SAP130: variants seen among roughly 807,000 people sequenced by gnomAD.
The protein encoded by SAP130 is Sin3A associated protein 130.
Under a neutral mutation model 103.2 loss-of-function variants are expected in SAP130, and 16 were observed. That is an observed-to-expected ratio of 0.16 (90% CI 0.10 to 0.24). The LOEUF is 0.24. SAP130 is among the 10% of genes least tolerant of loss of function. SAP130 has a pLI of 1.00. For synonymous variants in SAP130, 477 were observed against 497.0 expected, an observed-to-expected ratio of 0.96 and a Z score of 0.53; for missense variants, 990 against 1,359.7, an observed-to-expected ratio of 0.73 and a Z score of 4.28.
intron 14 of SAP130, among the ~76,000 whole-genome samples, chr2:127,982,398 T>C (rs1281428117): frequency 6.6e-6 from 1 of 152,134 alleles, no homozygotes; most frequent in Non-Finnish European, 1.5e-5. Flanking sequence ...AGAGCTTGTC[T>C]AGAGGAACAG....
In SAP130 at chr2:128,013,147, A is replaced by T. The variant is rs1177435202; in HGVS notation, c.627T>A (p.Ala209=). The change falls in exon 6 of 21, where the codon GCT becomes GCA. Residue 209 remains alanine, a synonymous_variant. Coordinates refer to ENST00000643581, the MANE Select transcript of SAP130 (RefSeq NM_001330301.2). ...IGASHLPRGA[A]AAAVMSSSKV... ...TAGAACTGGACATCACAGCAGCAGC[A>T]GCTGCACCTGAAAAAAAAAAAGTGT... The T allele has an allele frequency of 4.4e-6, 7 of 1,591,672 alleles. No homozygotes were observed. In the African/African-American group the frequency reaches 6.8e-5, roughly 16 times the overall value.
At chr2:127,951,370 C>G (rs1679482739) in intron 16 of SAP130, among the ~76,000 whole-genome samples, 1 of 152,138 alleles carries the variant, frequency 6.6e-6, no homozygotes, top group Non-Finnish European at 1.5e-5. Context: ...TGCCCACTCC[C>G]AACAGTCATA....
chr2:128,006,603 T>C (rs568506229), intron 7 of SAP130, among the ~76,000 whole-genome samples: 1 of 152,224 alleles, frequency 6.6e-6, no homozygotes, highest in Admixed American at 6.5e-5. Context: ...AGGGAGACCC[T>C]GTCTCTACAA....
chr2:128,007,893 A>C (rs1684083565), intron 7 of SAP130, among the ~76,000 whole-genome samples: 1 of 152,162 alleles, frequency 6.6e-6, no homozygotes, highest in Non-Finnish European at 1.5e-5. Flanking sequence ...CTCTTCAACC[A>C]CATACTGACA....
chr2:128,000,552 A>G, intron 7 of SAP130, 98 bp from the exon 8 acceptor site: 2 of 1,374,336 alleles, frequency 1.5e-6, no homozygotes, highest in South Asian at 1.3e-5. Context: ...AGGTCTATGA[A>G]GTTCGGAGTT....
intron 14 of SAP130, among the ~76,000 whole-genome samples, chr2:127,981,000 T>C (rs1030291245): frequency 3.9e-5 from 6 of 152,136 alleles, no homozygotes; most frequent in Non-Finnish European, 8.8e-5. Flanking sequence ...CATATGATTC[T>C]ATCTATCCAT....
Position 127,941,723 on chromosome 2 carries a change from T to C in SAP130, c.*283A>G. The C allele has an allele frequency of 2.4e-6, 1 of 415,428 alleles. No homozygotes were observed. 25.7% of individuals were successfully genotyped at this position (415,428 alleles called of 1,614,324 possible). On this transcript the variant is annotated 3_prime_UTR_variant, in exon 21 of 21. Coordinates refer to ENST00000643581, the MANE Select transcript of SAP130 (RefSeq NM_001330301.2). ...GCTGAAAAACACCAGCCAGCCATCCTTGTCATTGCTTCCAACTGGTGGACA... is the reference window on the plus strand; with the variant it reads ...GCTGAAAAACACCAGCCAGCCATCCCTGTCATTGCTTCCAACTGGTGGACA...
At chr2:127,999,671 C>T in intron 10 of SAP130, 70 bp downstream of exon 10, 1 of 727,628 alleles carries the variant, frequency 1.4e-6, no homozygotes. Flanking sequence ...TAGCCATCAC[C>T]ATGAAGGCCT....
At chr2:127,960,721 C>T (rs2104798099) in intron 15 of SAP130, among the ~76,000 whole-genome samples, 1 of 152,212 alleles carries the variant, frequency 6.6e-6, no homozygotes, top group Non-Finnish European at 1.5e-5. Context: ...CTACTATTAT[C>T]TTCCACACAA....
intron 15 of SAP130, among the ~76,000 whole-genome samples, chr2:127,966,130 C>G (rs1417687861): frequency 3.3e-5 from 5 of 150,826 alleles, no homozygotes; most frequent in African/African-American, 1.2e-4. Flanking sequence ...ATCACAAGGT[C>G]AGGAGTTCAA....
intron 18 of SAP130, among the ~76,000 whole-genome samples, chr2:127,945,825 G>T (rs1401959573): frequency 6.6e-6 from 1 of 152,066 alleles, no homozygotes; most frequent in Non-Finnish European, 1.5e-5. Context: ...GCTCACTTTT[G>T]TATTTTTTGT....
chr2:127,989,456 A>C lies in SAP130; in HGVS notation c.1780+108T>G. 1.0e-6 allele frequency: 1 copy of C among 980,420 alleles called. No individual in the cohort carries two copies. Among genetic ancestry groups the C allele is most frequent in the Non-Finnish European group, 1.5e-6 (1 of 668,684 alleles). 60.7% of individuals were successfully genotyped at this position (980,420 alleles called of 1,614,324 possible). ...CTCATATTATTAATACAAAGAAGAA[A>C]AGGCCTAGAGAAATTATAAGACGAC... On this transcript the variant is annotated intron_variant, in intron 13 of 20. Transcript: ENST00000643581. The surrounding 1 kb of genome is among the most constrained non-coding windows in gnomAD (Gnocchi z 4.6).
Position 128,013,060 on chromosome 2 carries a change from T to G in SAP130, c.714A>C (p.Ala238=). ...TTGGTTGGTGAATGATGTGCTGTAC[T>G]GCTGGCTGAGCAGTAGCAGCATTTG... The part of the protein sequence containing the change: ...QLPNAATAQP[A]VQHIIHQPIQ... Residue 238 remains alanine (A), a synonymous_variant, in exon 6 of 21, where the codon GCA becomes GCC. Coordinates refer to ENST00000643581, the MANE Select transcript of SAP130 (RefSeq NM_001330301.2). 1 of 1,613,544 alleles carries G rather than the reference T, an allele frequency of 6.2e-7. No homozygotes were observed. The highest frequency in any genetic ancestry group is 8.5e-7 in the Non-Finnish European group (1 of 1,179,838).
intron 12 of SAP130, among the ~76,000 whole-genome samples, chr2:127,992,849 T>C (rs945688474): frequency 1.3e-5 from 2 of 152,190 alleles, no homozygotes; most frequent in Non-Finnish European, 2.9e-5. Flanking sequence ...CTTTATAAAT[T>C]TTTTAAAAAT....
intron 15 of SAP130, among the ~76,000 whole-genome samples, chr2:127,960,489 T>C (rs946132663): frequency 1.3e-5 from 2 of 152,184 alleles, no homozygotes; most frequent in African/African-American, 4.8e-5. Context: ...GAAGATGAAC[T>C]AGTGATATCT....
At chr2:127,975,397 A>G (rs1220540126) in intron 15 of SAP130, among the ~76,000 whole-genome samples, 6 of 152,228 alleles carry the variant, frequency 3.9e-5, no homozygotes, top group Non-Finnish European at 7.3e-5. Context: ...AGAAAAAAGG[A>G]TAAGACCTAG....
chr2:128,027,662 C>A (rs1685624061), intron 1 of SAP130, among the ~76,000 whole-genome samples: 1 of 148,688 alleles, frequency 6.7e-6, no homozygotes, highest in Admixed American at 6.7e-5. Flanking sequence ...CCCGGCCGCT[C>A]TGCTTCCCCG....
chr2:128,010,597 G>A lies in SAP130; in HGVS notation c.745-204C>T, dbSNP rs1017755265. On this transcript the variant is annotated intron_variant, in intron 6 of 20. Coordinates refer to ENST00000643581, the MANE Select transcript of SAP130 (RefSeq NM_001330301.2). ...AGCCAGGCCGGGCACGGTGGCTCAC[G>A]CCTGTAATTCCCAGCACTTTGGGAG... Among the ~76,000 whole-genome samples the A allele has an allele frequency of 2.0e-5, 3 of 152,220 alleles. No homozygotes were observed. The South Asian group carries it at 6.2e-4, about 32-fold the overall frequency.
At chr2:127,974,269 T>C (rs989268925) in intron 15 of SAP130, among the ~76,000 whole-genome samples, 3 of 152,104 alleles carry the variant, frequency 2.0e-5, no homozygotes, top group Non-Finnish European at 4.4e-5. Context: ...TAGAATAAAA[T>C]CCAAAGGCTT....
Sources: gnomAD v4.1 joint callset for allele counts (sites outside exome capture counted in the v4.1 genomes callset) on GRCh38, gnomAD v4.1.1 for gene constraint, Gnocchi (gnomAD v3.1) non-coding constraint, MANE v1.5 for transcripts, NCBI Gene and HGNC (gene_info 2026-07-23, HGNC 2026-07-21) for gene names.